DNHD1: variants seen among roughly 807,000 people sequenced by gnomAD.
The protein encoded by DNHD1 is dynein heavy chain domain-containing protein 1.
In DNHD1, 383 loss-of-function variants were observed where a neutral mutation model predicts 458.1. The ratio of observed to expected loss-of-function variants is 0.84; its 90% CI spans 0.77 to 0.91. The LOEUF (loss-of-function observed/expected upper bound fraction) is 0.91. Among genes scored for constraint, DNHD1 ranks in the 40% least tolerant of loss-of-function variants. The pLI, the probability that DNHD1 is intolerant of heterozygous loss-of-function variation, is 0.00. For synonymous variants in DNHD1, 2,203 were observed against 2,376.9 expected, an observed-to-expected ratio of 0.93 and a Z score of 2.13; for missense variants, 5,336 against 5,866.1, an observed-to-expected ratio of 0.91 and a Z score of 2.95.
In DNHD1 at chr11:6,567,326, T is replaced by G. The variant is rs774818354; in HGVS notation, c.11817T>G (p.Ala3939=). The G allele has an allele frequency of 6.2e-7, 1 of 1,614,054 alleles. No individual in the cohort carries two copies. The highest frequency in any genetic ancestry group is 1.1e-5 in the South Asian group (1 of 91,088). ...TACCCTTGGTGGGTGCATTGGGCGC[T>G]TTGGCTCTGCTGCAAGCAACAGGGA... is the stretch of plus-strand genomic sequence containing the variant. ...TQVPLVGALG[A]LALLQATGKA... Residue 3939 remains alanine, a synonymous_variant, in exon 36 of 43, where the codon GCT becomes GCG. Transcript: ENST00000254579.
At chr11:6,559,393 C>T (rs1853537812) in intron 28 of DNHD1, 110 bp downstream of exon 28, 1 of 929,780 alleles carries the variant, frequency 1.1e-6, no homozygotes, top group Non-Finnish European at 1.6e-6. Context: ...CTAAGCTTCC[C>T]CTTTCCCTAG....
rs1442625490 is a variant in DNHD1 at position 6,563,962 on chromosome 11, C to G, written c.10122C>G (p.Thr3374=). The G allele has an allele frequency of 3.9e-6, 6 of 1,551,618 alleles. No individual in the cohort carries two copies. The highest frequency in any genetic ancestry group is 1.4e-5 in the African/African-American group (1 of 73,056). Residue 3374 remains threonine (T), a synonymous_variant, in exon 31 of 43, where the codon ACC becomes ACG. Coordinates refer to ENST00000254579, the MANE Select transcript of DNHD1 (RefSeq NM_144666.3). ...ACTACCAGTTTCAGGCCCAGGAGAC[C>G]CTGGAGCATAATTTGGCCCTGGCTA... is the stretch of plus-strand genomic sequence containing the variant. ...LGYYQFQAQE[T]LEHNLALAKM...
chr11:6,560,099 C>A (rs1457809654), intron 28 of DNHD1, among the ~76,000 whole-genome samples: 1 of 152,158 alleles, frequency 6.6e-6, no homozygotes, highest in African/African-American at 2.4e-5. Flanking sequence ...AACTAAAGAG[C>A]AGTTTTGTTT....
At position 6,511,425 on chromosome 11, in the gene DNHD1, G is replaced by A. The variant is rs756479644; in HGVS notation, c.1388G>A (p.Arg463Gln). 1.9e-5 allele frequency: 30 copies of A among 1,613,938 alleles called. No homozygotes were observed. Among genetic ancestry groups the A allele is most frequent in the East Asian group, 2.2e-5 (1 of 44,878 alleles). ...CTAAACCTCTGCACATCCATTCTTC[G>A]ACTGGTAAGAGGCTCTTAGTTTATT... ...RCLNLCTSIL[R>Q]LVHEDTYHMQ... Residue 463 changes from arginine (R) to glutamine (Q), a missense_variant, in exon 7 of 43, where the codon CGA becomes CAA. Arg to Gln is a conservative substitution (Grantham distance 43). Coordinates refer to ENST00000254579, the MANE Select transcript of DNHD1 (RefSeq NM_144666.3).
chr11:6,559,602 A>T (rs1000376555), intron 28 of DNHD1, among the ~76,000 whole-genome samples: 2 of 152,208 alleles, frequency 1.3e-5, no homozygotes, highest in African/African-American at 4.8e-5. Context: ...TGGGGCAGGC[A>T]TTACATCTCA....
Position 6,570,720 on chromosome 11 carries a change from C to T in DNHD1, c.13208C>T (p.Ala4403Val). Residue 4403 changes from alanine to valine, a missense_variant, in exon 42 of 43, where the codon GCC becomes GTC. Physicochemically the swap from Ala to Val is moderately conservative, Grantham distance 64 (BLOSUM62 0). This residue lies in a region of DNHD1 where 698 missense variants were observed against 664.9 expected (regional missense o/e 1.05). Coordinates refer to ENST00000254579, the MANE Select transcript of DNHD1 (RefSeq NM_144666.3). ...RLCGLSEGPQ[A>V]WLLRRQSRAL... The stretch of plus-strand genomic sequence containing the variant: ...TGCGGACTGAGTGAGGGCCCCCAAG[C>T]CTGGCTGTTGCGACGCCAGAGTCGC... The T allele has an allele frequency of 2.5e-6, 4 of 1,611,268 alleles. No homozygotes were observed. Among genetic ancestry groups the T allele is most frequent in the Non-Finnish European group, 3.4e-6 (4 of 1,178,736 alleles).
chr11:6,512,456 T>G (rs1852364256), intron 7 of DNHD1, among the ~76,000 whole-genome samples: 1 of 151,816 alleles, frequency 6.6e-6, no homozygotes, highest in African/African-American at 2.4e-5. Context: ...TCTCCTGACC[T>G]TGTGATCCGC....
intron 12 of DNHD1, among the ~76,000 whole-genome samples, chr11:6,531,219 C>T (rs984157565): frequency 2.0e-5 from 3 of 152,138 alleles, no homozygotes; most frequent in African/African-American, 7.2e-5. Flanking sequence ...TCTCTTCTTC[C>T]TGAACTCCCT....
chr11:6,530,240 C>T (rs10839574), intron 12 of DNHD1, among the ~76,000 whole-genome samples: 76,725 of 151,998 alleles, frequency 0.5, 19,871 homozygotes, highest in East Asian at 0.84. Flanking sequence ...TCTCCTCAAC[C>T]CATCTCAGGT....
intron 7 of DNHD1, among the ~76,000 whole-genome samples, chr11:6,512,507 C>T (rs892541125): frequency 1.3e-5 from 2 of 152,056 alleles, no homozygotes; most frequent in African/African-American, 2.4e-5. Context: ...CAGGTGTGAA[C>T]CACCGCGCCT....
chr11:6,569,534 A>G (rs1853792336), intron 39 of DNHD1, among the ~76,000 whole-genome samples: 1 of 152,098 alleles, frequency 6.6e-6, no homozygotes, highest in African/African-American at 2.4e-5. Context: ...AGACAGTGGG[A>G]AGCCACTGAA....
In DNHD1 at chr11:6,509,260, T is replaced by G; in HGVS notation, c.1223T>G (p.Leu408Arg). 1 of 1,613,576 alleles carries G rather than the reference T, an allele frequency of 6.2e-7. No homozygotes were observed. Among genetic ancestry groups the G allele is most frequent in the Non-Finnish European group, 8.5e-7 (1 of 1,179,870 alleles). Residue 408 changes from leucine (L) to arginine (R), a missense_variant, in exon 6 of 43, where the codon CTC becomes CGC. Leu to Arg is a moderately radical substitution (Grantham distance 102). Transcript: ENST00000254579. ...GTGCCCCACTTTGGAGCTGGGCTAC[T>G]CCATATTAGCAGGTGAGGTATTAAA... ...LAVPHFGAGL[L>R]HISRLLQELH... is the part of the protein sequence containing the mutation.
At position 6,558,778 on chromosome 11, in the gene DNHD1, T is replaced by C. The variant is rs116185377; in HGVS notation, c.9211+85T>C. ...ACCTAGGTCAGTCTCTCTCTCTCCC[T>C]CTCTAGAGCCTACAGAGCCCCCTTC... On this transcript the variant is annotated intron_variant, in intron 26 of 42. Coordinates refer to ENST00000254579, the MANE Select transcript of DNHD1 (RefSeq NM_144666.3). 2,355 of 1,503,930 alleles carry C rather than the reference T, an allele frequency of 1.6e-3. 36 individuals carry two copies. In the African/African-American group the frequency reaches 0.028, roughly 18 times the overall value. 93.2% of individuals were successfully genotyped at this position (1,503,930 alleles called of 1,614,324 possible). A position where few individuals can be genotyped will look rare whatever the true frequency, so the allele number is the denominator to read the frequency against.
chr11:6,551,682 C>T (rs934177813), intron 24 of DNHD1, among the ~76,000 whole-genome samples: 3 of 152,264 alleles, frequency 2.0e-5, no homozygotes, highest in Middle Eastern at 3.4e-3. Flanking sequence ...GTGGCTCACG[C>T]CTGTAATCCC....
In DNHD1 at chr11:6,548,686, G is replaced by C; in HGVS notation, c.7140G>C (p.Gly2380=). 6.4e-7 allele frequency: 1 copy of C among 1,551,624 alleles called. No homozygotes were observed. The highest frequency in any genetic ancestry group is 1.7e-4 in the Middle Eastern group (1 of 5,992). ...ATGTGGTGGACCTGCTTCTGTCAGGGGGACAGCCAGTGTTGCTGGCTGGAG... is the reference window on the plus strand; with the variant it reads ...ATGTGGTGGACCTGCTTCTGTCAGGCGGACAGCCAGTGTTGCTGGCTGGAG... ...LLYVVDLLLS[G]GQPVLLAGEA... The change falls in exon 24 of 43, where the codon GGG becomes GGC. Residue 2380 remains glycine, a synonymous_variant. Transcript: ENST00000254579. This position sits in a 1 kb window ranked among gnomAD's most constrained non-coding sequence, Gnocchi z 4.4.
In DNHD1 at chr11:6,548,708, G is replaced by A. The variant is rs1385346727; in HGVS notation, c.7162G>A (p.Gly2388Arg). 17 of 1,551,562 alleles carry A rather than the reference G, an allele frequency of 1.1e-5. No individual in the cohort carries two copies. Among genetic ancestry groups the A allele is most frequent in the Non-Finnish European group, 1.5e-5 (17 of 1,146,990 alleles). ...AGGGGGACAGCCAGTGTTGCTGGCT[G>A]GAGAGGCAGCAACAGGGAAGTCAGC... is the stretch of plus-strand genomic sequence containing the variant. ...LSGGQPVLLA[G>R]EAATGKSAFV... is the part of the protein sequence containing the mutation. Residue 2388 changes from glycine to arginine, a missense_variant, in exon 24 of 43, where the codon GGA becomes AGA. Physicochemically the swap from Gly to Arg is moderately radical, Grantham distance 125 (BLOSUM62 -2). Around this residue, in one of 4 missense-constraint regions of DNHD1, gnomAD observed 3,932 missense variants for 4,365.6 expected, o/e 0.90. Transcript: ENST00000254579. The surrounding 1 kb of genome is among the most constrained non-coding windows in gnomAD (Gnocchi z 4.4).
chr11:6,563,245 A>G, intron 29 of DNHD1, 114 bp downstream of exon 29: 1 of 1,515,932 alleles, frequency 6.6e-7, no homozygotes, highest in Non-Finnish European at 9.0e-7. Context: ...TCCTGGGGGG[A>G]GGGGACAAAG....
At position 6,546,658 on chromosome 11, in the gene DNHD1, G is replaced by T; in HGVS notation, c.5719G>T (p.Glu1907Ter). 2 of 586,856 alleles carry T rather than the reference G, an allele frequency of 3.4e-6. No individual in the cohort carries two copies. The highest frequency in any genetic ancestry group is 5.3e-6 in the Non-Finnish European group (2 of 375,138). The allele number at this position is 586,856 out of a possible 1,614,324, so 36.4% of individuals were successfully genotyped here. ...GAAGCCTCGCAGCCTAGCTGCCATT[G>T]AGGAGGCTGCCCTACTGCGCTCACC... The part of the protein sequence containing the change: ...CQKPRSLAAI[E>*]EAALLRSPLF... The change falls in exon 21 of 43, where the codon GAG becomes TAG. Residue 1907 changes from glutamate to a stop codon, truncating the protein, a stop_gained. Coordinates refer to ENST00000254579, the MANE Select transcript of DNHD1 (RefSeq NM_144666.3). LOFTEE classifies it high-confidence loss of function.
chr11:6,563,328 G>T (rs1589895420), intron 29 of DNHD1, 54 bp from the exon 30 acceptor site: 1 of 1,539,824 alleles, frequency 6.5e-7, no homozygotes, highest in Non-Finnish European at 8.8e-7. Flanking sequence ...ACACCTTGAA[G>T]GAAGAACAGA....
Sources: gnomAD v4.1 joint callset for allele counts (sites outside exome capture counted in the v4.1 genomes callset) on GRCh38, gnomAD v4.1.1 for gene constraint, gnomAD v4.1.1 regional missense constraint, Gnocchi (gnomAD v3.1) non-coding constraint, MANE v1.5 for transcripts, NCBI Gene and HGNC (gene_info 2026-07-23, HGNC 2026-07-21) for gene names.